The following RAD9B variants were observed in gnomAD, a reference collection of about 807,000 sequenced individuals.
The protein encoded by RAD9B is cell cycle checkpoint control protein RAD9B.
In RAD9B, 41 loss-of-function variants were observed where a neutral mutation model predicts 48.3. The observed-to-expected ratio is 0.85, with a 90% CI of 0.66 to 1.10. RAD9B has a LOEUF of 1.10. Among genes scored for constraint, RAD9B ranks in the 50% least tolerant of loss-of-function variants. The pLI, the probability that RAD9B is intolerant of heterozygous loss-of-function variation, is 0.00. For missense variants in RAD9B, 444 were observed against 485.1 expected, an observed-to-expected ratio of 0.92 and a Z score of 0.80; for synonymous variants, 160 against 157.9, an observed-to-expected ratio of 1.01 and a Z score of -0.10.
intron 3 of RAD9B, 27 bp downstream of exon 3, chr12:110,505,799 C>A: frequency 6.3e-7 from 1 of 1,590,490 alleles, no homozygotes; most frequent in South Asian, 1.1e-5. Context: ...CTGGTTTTCT[C>A]TTATTCTGTA....
chr12:110,520,628 C>CTTTTTTTTTTTTTTTTTTTTGTTTT (rs71083129), intron 9 of RAD9B, among the ~76,000 whole-genome samples: 1 of 99,968 alleles, frequency 1.0e-5, no homozygotes, highest in African/African-American at 4.0e-5. Context: ...TTCTTGCTTT[C>CTTTTTTTTTTTTTTTTTTTTGTTTT]TTTTTTTTTT....
intron 8 of RAD9B, 81 bp from the exon 9 acceptor site, chr12:110,519,713 A>T: frequency 6.8e-7 from 1 of 1,468,222 alleles, no homozygotes; most frequent in Non-Finnish European, 9.1e-7. Flanking sequence ...TTTTTAGTCC[A>T]GAATTAAGTA....
rs1285081061 is a variant in RAD9B at position 110,531,495 on chromosome 12, A to G, written c.*842A>G. ...ACTTGAGCCACTGCGCCCAACCTGG[A>G]GTGTTTTTACATATTGTAAAATTTT... On this transcript the variant is annotated 3_prime_UTR_variant, in exon 11 of 11. Coordinates refer to ENST00000409300, the MANE Select transcript of RAD9B (RefSeq NM_001286535.2). The G allele has an allele frequency of 2.1e-5, 21 of 1,009,886 alleles. No individual in the cohort carries two copies. The highest frequency in any genetic ancestry group is 1.4e-5 in the South Asian group (1 of 72,914). 62.6% of individuals were successfully genotyped at this position (1,009,886 alleles called of 1,614,324 possible).
rs1026686457 is a variant in RAD9B at position 110,505,847 on chromosome 12, A to G, written c.273+75A>G. ...ATATAGGACATAACCTGTATTCTAT[A>G]CTTAATAGTTTAAATGGCATTCAGG... On this transcript the variant is annotated intron_variant, in intron 3 of 10. Transcript: ENST00000409300. The G allele has an allele frequency of 2.5e-5, 28 of 1,141,602 alleles. No homozygotes were observed. The African/African-American group carries it at 4.3e-4, about 17-fold the overall frequency. 70.7% of individuals were successfully genotyped at this position (1,141,602 alleles called of 1,614,324 possible).
At chr12:110,517,138 G>C (rs1416681570) in intron 6 of RAD9B, among the ~76,000 whole-genome samples, 1 of 152,038 alleles carries the variant, frequency 6.6e-6, no homozygotes, top group Non-Finnish European at 1.5e-5. Context: ...GTTCAGACCA[G>C]CCTGGCCAAC....
chr12:110,527,390 G>A (rs181605372), intron 10 of RAD9B, among the ~76,000 whole-genome samples: 4 of 152,238 alleles, frequency 2.6e-5, no homozygotes, highest in Admixed American at 2.6e-4. Flanking sequence ...AACATCTTCA[G>A]AGGTTCATGG....
At chr12:110,512,644 T>A in intron 4 of RAD9B, 135 bp from the exon 5 acceptor site, 1 of 555,704 alleles carries the variant, frequency 1.8e-6, no homozygotes, top group Non-Finnish European at 3.2e-6. Context: ...GGAATAGTGC[T>A]TCTCCAAGGT....
intron 6 of RAD9B, among the ~76,000 whole-genome samples, 188 bp from the exon 7 acceptor site, chr12:110,518,488 G>A (rs2063676825): frequency 6.6e-6 from 1 of 152,146 alleles, no homozygotes; most frequent in Non-Finnish European, 1.5e-5. Context: ...TAAGAGAAAT[G>A]TAAAATATTA....
At position 110,533,090 on chromosome 12, in the gene RAD9B, A is replaced by G. The variant is rs2064178721; in HGVS notation, c.*2437A>G. ...ATTTCTGAGGAAGCTAAACTGATGT[A>G]GTGAAGCAGCTGGAGCCAGTTAAAG... On this transcript the variant is annotated 3_prime_UTR_variant, in exon 11 of 11. Coordinates refer to ENST00000409300, the MANE Select transcript of RAD9B (RefSeq NM_001286535.2). Among the ~76,000 whole-genome samples the G allele has an allele frequency of 6.6e-6, 1 of 152,208 alleles. No individual in the cohort carries two copies. Among genetic ancestry groups the G allele is most frequent in the Non-Finnish European group, 1.5e-5 (1 of 68,042 alleles).
rs2064124981 is a variant in RAD9B, at chr12:110,531,140, A to ACTT, written c.*488_*490dup. On this transcript the variant is annotated 3_prime_UTR_variant, in exon 11 of 11. Transcript: ENST00000409300. The stretch of plus-strand genomic sequence containing the variant: ...TGTGCATTGTTTTTTATATTTTAAG[A>ACTT]CTTTAAGTAGAATAAACCCTGGAAA... 1.0e-6 allele frequency: 1 copy of ACTT among 994,978 alleles called. No individual in the cohort carries two copies. The highest frequency in any genetic ancestry group is 1.7e-5 in the African/African-American group (1 of 57,196). The allele number at this position is 994,978 out of a possible 1,614,324, so 61.6% of individuals were successfully genotyped here. A position where few individuals can be genotyped will look rare whatever the true frequency, so the allele number is the denominator to read the frequency against.
At chr12:110,507,380 G>T in intron 4 of RAD9B, among the ~76,000 whole-genome samples, 3 of 136,312 alleles carry the variant, frequency 2.2e-5, no homozygotes, top group African/African-American at 2.7e-5. Context: ...TATAATATAT[G>T]TATTATATAT....
In RAD9B at chr12:110,506,705, T is replaced by C. The variant is rs777689534; in HGVS notation, c.388+12T>C. On this transcript the variant is annotated intron_variant, in intron 4 of 10. Coordinates refer to ENST00000409300, the MANE Select transcript of RAD9B (RefSeq NM_001286535.2). ...CTTCTACAGACATGGTAGGTATAAT[T>C]AAAAGTGGTTTAAAATACTATGTTT... is the stretch of plus-strand genomic sequence containing the variant. 7.9e-7 allele frequency: 1 copy of C among 1,272,874 alleles called. No individual in the cohort carries two copies. 78.8% of individuals were successfully genotyped at this position (1,272,874 alleles called of 1,614,324 possible).
At position 110,531,005 on chromosome 12, in the gene RAD9B, G is replaced by A; in HGVS notation, c.*352G>A. 5.9e-6 allele frequency: 6 copies of A among 1,013,866 alleles called. No homozygotes were observed. The highest frequency in any genetic ancestry group is 7.1e-6 in the Non-Finnish European group (6 of 848,866). 62.8% of individuals were successfully genotyped at this position (1,013,866 alleles called of 1,614,324 possible). A position where few individuals can be genotyped will look rare whatever the true frequency, so the allele number is the denominator to read the frequency against. The stretch of plus-strand genomic sequence containing the variant: ...ACTTTATTCAACAGCCATTTAGAGT[G>A]CCATCAAGATGGCTTGAAATGGAAT... On this transcript the variant is annotated 3_prime_UTR_variant, in exon 11 of 11. Coordinates refer to ENST00000409300, the MANE Select transcript of RAD9B (RefSeq NM_001286535.2).
At chr12:110,507,048 C>T (rs1264021040) in intron 4 of RAD9B, among the ~76,000 whole-genome samples, 1 of 151,958 alleles carries the variant, frequency 6.6e-6, no homozygotes, top group East Asian at 1.9e-4. Flanking sequence ...CCGTGTTGGC[C>T]AGGCTGATCT....
rs1236458047 is a variant in RAD9B at position 110,530,625 on chromosome 12, T to C, written c.1226T>C (p.Met409Thr). ...AGAGCAAGTGACAGTGAAGAGGACATGAATAATGGCAGTTTCTCTATATTC... is the reference window on the plus strand; with the variant it reads ...AGAGCAAGTGACAGTGAAGAGGACACGAATAATGGCAGTTTCTCTATATTC... ...LARASDSEEDMNNGSFSIF is the reference protein window; with the variant it reads ...LARASDSEEDTNNGSFSIF Residue 409 changes from methionine (M) to threonine (T), a missense_variant, in exon 11 of 11, where the codon ATG becomes ACG. Physicochemically the swap from Met to Thr is moderately conservative, Grantham distance 81. Coordinates refer to ENST00000409300, the MANE Select transcript of RAD9B (RefSeq NM_001286535.2). The C allele has an allele frequency of 1.9e-6, 3 of 1,613,998 alleles. No homozygotes were observed. The highest frequency in any genetic ancestry group is 2.2e-5 in the South Asian group (2 of 91,082).
In RAD9B at chr12:110,504,106, A is replaced by G. The variant is rs140260354; in HGVS notation, c.117+230A>G. The stretch of plus-strand genomic sequence containing the variant: ...CAAACTGGTAGTTAAGAGACTAGCT[A>G]CGGTCTGCAGGAATGTTTGTTGGCC... On this transcript the variant is annotated intron_variant, in intron 2 of 10. Coordinates refer to ENST00000409300, the MANE Select transcript of RAD9B (RefSeq NM_001286535.2). 3.5e-3 allele frequency among the ~76,000 whole-genome samples: 532 copies of G among 151,992 alleles called. 2 individuals are homozygous for G. Among genetic ancestry groups the G allele is most frequent in the African/African-American group, 0.012 (499 of 41,472 alleles).
At position 110,530,678 on chromosome 12, in the gene RAD9B, C is replaced by CCCAG. The variant is rs745680865; in HGVS notation, c.*28_*31dup. On this transcript the variant is annotated 3_prime_UTR_variant, in exon 11 of 11. Coordinates refer to ENST00000409300, the MANE Select transcript of RAD9B (RefSeq NM_001286535.2). Reference sequence around the variant, plus strand: ...ATGCTTAATGATGGCTGAGCTGGGCCCCAGCCCAGTGACTGGCTCATTTGC... The same window carrying CCCAG: ...ATGCTTAATGATGGCTGAGCTGGGCCCCAGCCAGCCCAGTGACTGGCTCATTTGC... The CCCAG allele has an allele frequency of 1.9e-6, 3 of 1,612,478 alleles. No individual in the cohort carries two copies. Among genetic ancestry groups the CCCAG allele is most frequent in the Non-Finnish European group, 1.7e-6 (2 of 1,179,032 alleles).
At chr12:110,520,851 A>G (rs1385856568) in intron 9 of RAD9B, among the ~76,000 whole-genome samples, 1 of 150,706 alleles carries the variant, frequency 6.6e-6, no homozygotes, top group African/African-American at 2.4e-5. Flanking sequence ...GGGTTTCACT[A>G]TGTTGGTCAG....
In RAD9B at chr12:110,526,882, C is replaced by T. The variant is rs189646470; in HGVS notation, c.1126-3643C>T. ...TGAGATCATGCCACCGCACTCCAGC[C>T]TAGGCGACAGAACGAGACTCCATCT... On this transcript the variant is annotated intron_variant, in intron 10 of 10. Coordinates refer to ENST00000409300, the MANE Select transcript of RAD9B (RefSeq NM_001286535.2). 2.0e-5 allele frequency among the ~76,000 whole-genome samples: 3 copies of T among 147,558 alleles called. No homozygotes were observed. In the East Asian group the frequency reaches 6.0e-4, roughly 29 times the overall value.
Sources: gnomAD v4.1 joint callset for allele counts (sites outside exome capture counted in the v4.1 genomes callset) on GRCh38, gnomAD v4.1.1 for gene constraint, MANE v1.5 for transcripts, NCBI Gene and HGNC (gene_info 2026-07-23, HGNC 2026-07-21) for gene names.